NMT2: variants seen among roughly 807,000 people sequenced by gnomAD.
NMT2 encodes the protein N-myristoyltransferase 2, also known as glycylpeptide N-tetradecanoyltransferase 2.
A neutral mutation model predicts 65.4 loss-of-function variants in NMT2; 35 were observed. The ratio of observed to expected loss-of-function variants is 0.54; its 90% CI spans 0.41 to 0.71. NMT2 has a LOEUF of 0.71. Among genes scored for constraint, NMT2 ranks in the 30% least tolerant of loss-of-function variants. The pLI is 0.00. For missense variants in NMT2, 489 were observed against 611.3 expected (o/e 0.80, Z 2.11); for synonymous variants, 226 against 231.8 (o/e 0.98, Z 0.23).
intron 1 of NMT2, among the ~76,000 whole-genome samples, chr10:15,149,367 C>CTGT (rs374596630): frequency 3.4e-3 from 7 of 2,054 alleles, no homozygotes; most frequent in Non-Finnish European, 0.011. Context: ...ATTATCATCA[C>CTGT]CATCATCACC....
At chr10:15,126,204 G>C (rs1190818252) in intron 8 of NMT2, among the ~76,000 whole-genome samples, 1 of 151,224 alleles carries the variant, frequency 6.6e-6, no homozygotes, top group Non-Finnish European at 1.5e-5. Flanking sequence ...TGAGGCGGGT[G>C]GATCACCTGA....
intron 1 of NMT2, among the ~76,000 whole-genome samples, chr10:15,149,394 TTG>T (rs1847079605): frequency 9.0e-6 from 1 of 111,162 alleles, no homozygotes; most frequent in African/African-American, 3.6e-5. Context: ...GCCACTACCA[TTG>T]CCATCACCAC....
chr10:15,133,290 T>G lies in NMT2; in HGVS notation c.465A>C (p.Pro155=), dbSNP rs1846350428. 1.2e-6 allele frequency: 2 copies of G among 1,614,120 alleles called. No homozygotes were observed. The highest frequency in any genetic ancestry group is 2.7e-5 in the African/African-American group (2 of 74,950). The part of the protein sequence containing the change: ...DNVRQEPYSL[P]QGFMWDTLDL... ...CTAAAGTGTCCCACATAAAACCCTG[T>G]GGCAAAGAATACGGTTCTTGGCGTA... The change falls in exon 4 of 12, where the codon CCA becomes CCC. Residue 155 remains proline, a synonymous_variant. Transcript: ENST00000378165.
At chr10:15,146,763 G>A (rs1311863318) in intron 1 of NMT2, among the ~76,000 whole-genome samples, 1 of 152,136 alleles carries the variant, frequency 6.6e-6, no homozygotes, top group Non-Finnish European at 1.5e-5. Context: ...GTTGATTACA[G>A]CAGCCCAGTC....
rs185332520 is a variant in NMT2, at chr10:15,107,220, G to C, written c.*1975C>G. ...TGTCACAAAATGATGTCATTTTTTG[G>C]CTTTTTCTCCTCAACCATTCCAGAA... On this transcript the variant is annotated 3_prime_UTR_variant, in exon 12 of 12. Transcript: ENST00000378165. 1.7e-4 allele frequency: 82 copies of C among 480,756 alleles called. No individual in the cohort carries two copies. Among genetic ancestry groups the C allele is most frequent in the African/African-American group, 1.4e-3 (66 of 47,494 alleles). The allele number at this position is 480,756 out of a possible 1,614,324, so 29.8% of individuals were successfully genotyped here.
intron 9 of NMT2, among the ~76,000 whole-genome samples, chr10:15,114,920 T>C (rs1405023624): frequency 6.6e-6 from 1 of 152,068 alleles, no homozygotes; most frequent in Non-Finnish European, 1.5e-5. Flanking sequence ...AAGAATTGCT[T>C]GAACCCAAGA....
intron 1 of NMT2, among the ~76,000 whole-genome samples, chr10:15,157,594 T>A (rs188603436): frequency 6.6e-6 from 1 of 151,972 alleles, no homozygotes; most frequent in Non-Finnish European, 1.5e-5. Flanking sequence ...AGAAAAGAGA[T>A]GATTAAGCCA....
Position 15,141,452 on chromosome 10 carries a change from G to A in NMT2, c.216C>T (p.Ser72=). The change falls in exon 2 of 12, where the codon TCC becomes TCT. Residue 72 remains serine (S), a synonymous_variant. Coordinates refer to ENST00000378165, the MANE Select transcript of NMT2 (RefSeq NM_004808.3). The part of the protein sequence containing the change: ...GGTKSDSASD[S]QEIKIQQPSK... The stretch of plus-strand genomic sequence containing the variant: ...AAGGCTGCTGAATTTTAATCTCCTG[G>A]GAATCAGATGCCGAGTCTGACTTGG... 2 of 1,614,156 alleles carry A rather than the reference G, an allele frequency of 1.2e-6. No homozygotes were observed. Among genetic ancestry groups the A allele is most frequent in the South Asian group, 2.2e-5 (2 of 91,086 alleles).
intron 8 of NMT2, among the ~76,000 whole-genome samples, chr10:15,124,745 T>C (rs1394554499): frequency 6.6e-6 from 1 of 152,196 alleles, no homozygotes; most frequent in Non-Finnish European, 1.5e-5. Flanking sequence ...TCTGTCCAGT[T>C]TAACTCAAGA....
At chr10:15,127,323 G>A (rs1271808422) in intron 8 of NMT2, among the ~76,000 whole-genome samples, 7 of 151,664 alleles carry the variant, frequency 4.6e-5, no homozygotes, top group East Asian at 1.9e-4. Flanking sequence ...CGAGGCAGGC[G>A]GATCACAAGG....
At chr10:15,163,102 AG>A (rs1048933216) in intron 1 of NMT2, among the ~76,000 whole-genome samples, 1 of 152,024 alleles carries the variant, frequency 6.6e-6, no homozygotes, top group South Asian at 2.1e-4. Flanking sequence ...TCATCGAGAT[AG>A]GGTCTTGCTA....
At chr10:15,134,084 A>T (rs1846385594) in intron 3 of NMT2, among the ~76,000 whole-genome samples, 1 of 152,178 alleles carries the variant, frequency 6.6e-6, no homozygotes, top group South Asian at 2.1e-4. Context: ...TGGGAGAGGA[A>T]AGGGCTGCGG....
chr10:15,142,649 G>C (rs900068165), intron 1 of NMT2, among the ~76,000 whole-genome samples: 1 of 152,168 alleles, frequency 6.6e-6, no homozygotes, highest in African/African-American at 2.4e-5. Flanking sequence ...GATACATTAA[G>C]ACTTTGTCAA....
chr10:15,108,405 T>C lies in NMT2; in HGVS notation c.*790A>G. ...TTTCACTATGTTGGCCAGAATGGTCTCGATCTCCTGACCTCATGATCTGCC... is the reference window on the plus strand; with the variant it reads ...TTTCACTATGTTGGCCAGAATGGTCCCGATCTCCTGACCTCATGATCTGCC... On this transcript the variant is annotated 3_prime_UTR_variant, in exon 12 of 12. Coordinates refer to ENST00000378165, the MANE Select transcript of NMT2 (RefSeq NM_004808.3). 3 of 633,780 alleles carry C rather than the reference T, an allele frequency of 4.7e-6. No homozygotes were observed. Among genetic ancestry groups the C allele is most frequent in the Non-Finnish European group, 5.9e-6 (3 of 509,284 alleles). The allele number at this position is 633,780 out of a possible 1,614,324, so 39.3% of individuals were successfully genotyped here.
At chr10:15,123,975 G>A (rs1449904528) in intron 8 of NMT2, among the ~76,000 whole-genome samples, 1 of 152,060 alleles carries the variant, frequency 6.6e-6, no homozygotes, top group Non-Finnish European at 1.5e-5. Flanking sequence ...CAATGATTAT[G>A]GTTATTTATA....
At chr10:15,129,589 A>G (rs998500227) in intron 7 of NMT2, among the ~76,000 whole-genome samples, 1 of 152,226 alleles carries the variant, frequency 6.6e-6, no homozygotes, top group Non-Finnish European at 1.5e-5. Context: ...TGGAAAGAAA[A>G]TGGTATGACA....
chr10:15,165,678 G>T (rs1355181480), intron 1 of NMT2, among the ~76,000 whole-genome samples: 1 of 152,032 alleles, frequency 6.6e-6, no homozygotes, highest in East Asian at 1.9e-4. Flanking sequence ...AGAAGTTCGA[G>T]ACCAGCCTGG....
chr10:15,167,201 A>C (rs1214067932), intron 1 of NMT2, among the ~76,000 whole-genome samples: 1 of 152,078 alleles, frequency 6.6e-6, no homozygotes, highest in East Asian at 1.9e-4. Context: ...AATATTCTAG[A>C]CTCGAACATT....
chr10:15,145,913 G>T (rs965234071), intron 1 of NMT2, among the ~76,000 whole-genome samples: 10 of 152,048 alleles, frequency 6.6e-5, no homozygotes, highest in African/African-American at 2.4e-4. Flanking sequence ...GGGTGGGAGA[G>T]GTGCTAAGCG....
Sources: allele counts gnomAD v4.1 joint callset (sites outside exome capture counted in the v4.1 genomes callset), GRCh38; gene constraint gnomAD v4.1.1; transcripts MANE v1.5; gene names NCBI Gene and HGNC (gene_info 2026-07-23, HGNC 2026-07-21).